Variants in LRRC7 observed in about 807,000 individuals in gnomAD.
LRRC7 encodes leucine rich repeat containing 7.
LRRC7 carries 23 observed loss-of-function variants against 175.7 expected under a neutral mutation model. The ratio of observed to expected loss-of-function variants is 0.13; its 90% CI spans 0.09 to 0.19. LRRC7 has a LOEUF of 0.19. LRRC7 is among the 10% of genes least tolerant of loss of function. The probability of loss-of-function intolerance (pLI) is 1.00; values close to 1 mark genes in which losing one functional copy is unlikely to be tolerated. For missense variants in LRRC7, 1,354 were observed against 1,904.7 expected (o/e 0.71, Z 5.38); for synonymous variants, 685 against 680.9 (o/e 1.01, Z -0.09).
At chr1:69,658,020 G>T (rs1656904775) in intron 1 of LRRC7, among the ~76,000 whole-genome samples, 1 of 151,706 alleles carries the variant, frequency 6.6e-6, no homozygotes, top group African/African-American at 2.4e-5. Flanking sequence ...TATACCCATA[G>T]AATCAGCATT....
At chr1:69,927,678 T>G (rs1331802568) in intron 7 of LRRC7, among the ~76,000 whole-genome samples, 2 of 152,218 alleles carry the variant, frequency 1.3e-5, no homozygotes, top group Non-Finnish European at 2.9e-5. Flanking sequence ...TAAGGACTTC[T>G]CTGTATTGGT....
intron 7 of LRRC7, among the ~76,000 whole-genome samples, chr1:69,921,135 G>A (rs1302182111): frequency 1.3e-5 from 2 of 152,146 alleles, no homozygotes; most frequent in Non-Finnish European, 2.9e-5. Context: ...GATCTGGGGG[G>A]AGAAAGGAGA....
intron 1 of LRRC7, among the ~76,000 whole-genome samples, chr1:69,584,916 T>C (rs1231042492): frequency 3.9e-5 from 6 of 152,140 alleles, no homozygotes; most frequent in Non-Finnish European, 8.8e-5. Flanking sequence ...CTTCTCTTTT[T>C]ACCTGGTTAA....
chr1:69,717,790 GAAAGAAAGAAAGAAAGAAAGAAAGA>G (rs1557640566), intron 2 of LRRC7, among the ~76,000 whole-genome samples: 9 of 19,830 alleles, frequency 4.5e-4, no homozygotes, highest in South Asian at 2.1e-3. Context: ...AAGAAAGAAA[GAAAGAAAGAAAGAAAGAAAGAAAGA>G]AAGAAAGAAA....
At chr1:70,065,347 C>T (rs1487504985) in intron 23 of LRRC7, among the ~76,000 whole-genome samples, 1 of 151,918 alleles carries the variant, frequency 6.6e-6, no homozygotes, top group East Asian at 1.9e-4. Flanking sequence ...TCAGTTTTCC[C>T]ATCTAAGAGG....
At chr1:69,894,213 C>T (rs932085872) in intron 7 of LRRC7, among the ~76,000 whole-genome samples, 5 of 152,100 alleles carry the variant, frequency 3.3e-5, no homozygotes, top group African/African-American at 1.2e-4. Context: ...CTCATAGTAT[C>T]TTGAAGTAGG....
At chr1:70,011,044 C>G (rs761148266) in intron 11 of LRRC7, among the ~76,000 whole-genome samples, 7 of 152,182 alleles carry the variant, frequency 4.6e-5, no homozygotes, top group Non-Finnish European at 1.0e-4. Flanking sequence ...CATCAAAACT[C>G]TGGATCATTA....
At chr1:69,947,934 TTC>T (rs1216395748) in intron 8 of LRRC7, among the ~76,000 whole-genome samples, 2 of 152,052 alleles carry the variant, frequency 1.3e-5, no homozygotes, top group African/African-American at 2.4e-5. Flanking sequence ...CTCCCCCTCT[TTC>T]TCTCTCTCAA....
intron 7 of LRRC7, among the ~76,000 whole-genome samples, chr1:69,916,275 A>T (rs918933085): frequency 1.5e-5 from 2 of 134,170 alleles, no homozygotes; most frequent in Non-Finnish European, 1.6e-5. Context: ...AAATATAAAT[A>T]TATATCATAT....
At chr1:70,044,507 C>G (rs1347683943) in intron 22 of LRRC7, among the ~76,000 whole-genome samples, 1 of 152,014 alleles carries the variant, frequency 6.6e-6, no homozygotes, top group Non-Finnish European at 1.5e-5. Context: ...TGTTGGATTT[C>G]AACTGATTCT....
intron 8 of LRRC7, among the ~76,000 whole-genome samples, chr1:69,960,559 G>T (rs1650955560): frequency 6.7e-6 from 1 of 148,662 alleles, no homozygotes; most frequent in Admixed American, 6.7e-5. Flanking sequence ...AGTTCTTTTA[G>T]TTCTGATGTT....
intron 8 of LRRC7, 74 bp downstream of exon 8, chr1:69,931,644 C>G (rs1326477776): frequency 1.6e-6 from 2 of 1,236,508 alleles, no homozygotes; most frequent in African/African-American, 3.0e-5. Flanking sequence ...CTTTGTAAAC[C>G]AAGGTATTAA....
intron 1 of LRRC7, among the ~76,000 whole-genome samples, chr1:69,645,682 A>T (rs1654906390): frequency 6.6e-6 from 1 of 152,030 alleles, no homozygotes; most frequent in Non-Finnish European, 1.5e-5. Context: ...TTTTTAGAAA[A>T]TGCTTTTGTA....
chr1:69,697,258 C>T (rs1662730443), intron 2 of LRRC7, among the ~76,000 whole-genome samples: 2 of 152,120 alleles, frequency 1.3e-5, no homozygotes, highest in South Asian at 2.1e-4. Flanking sequence ...TGCAATTCCT[C>T]CTGGATATTT....
chr1:70,034,177 ATCT>A (rs375466775), intron 18 of LRRC7, among the ~76,000 whole-genome samples: 13 of 152,244 alleles, frequency 8.5e-5, no homozygotes, highest in African/African-American at 1.7e-4. Context: ...TCAAACTCAT[ATCT>A]TCTTATAAAT....
At chr1:69,919,629 A>T in intron 7 of LRRC7, 2 of 852,642 alleles carry the variant, frequency 2.3e-6, no homozygotes, top group Non-Finnish European at 2.0e-6. Context: ...GGCTACATCC[A>T]GAAGATCAAG....
intron 26 of LRRC7, among the ~76,000 whole-genome samples, chr1:70,118,063 GCACACACACA>G (rs71583108): frequency 3.4e-5 from 5 of 146,782 alleles, no homozygotes; most frequent in South Asian, 4.3e-4. Flanking sequence ...CTTCTTCTAT[GCACACACACA>G]CACACACACA....
At chr1:69,747,008 C>G (rs1669326745) in intron 2 of LRRC7, among the ~76,000 whole-genome samples, 1 of 152,094 alleles carries the variant, frequency 6.6e-6, no homozygotes, top group Admixed American at 6.6e-5. Context: ...TGTGCCTATT[C>G]CCATCATCTT....
In LRRC7 at chr1:70,124,122, G is replaced by A. The variant is rs900419750; in HGVS notation, c.*2235G>A. 6.6e-6 allele frequency among the ~76,000 whole-genome samples: 1 copy of A among 152,166 alleles called. No individual in the cohort carries two copies. The highest frequency in any genetic ancestry group is 6.5e-5 in the Admixed American group (1 of 15,278). On this transcript the variant is annotated 3_prime_UTR_variant, in exon 27 of 27. Transcript: ENST00000651989. ...TCCTGTTCTGCAGTTCAGAAATGAG[G>A]AAAAGAGAAAAGGGATCCTTGACCA...
Sources: allele counts gnomAD v4.1 joint callset (sites outside exome capture counted in the v4.1 genomes callset), GRCh38; gene constraint gnomAD v4.1.1; transcripts MANE v1.5; gene names NCBI Gene and HGNC (gene_info 2026-07-23, HGNC 2026-07-21).